The following FBXO22 variants were observed in gnomAD, a reference collection of about 807,000 sequenced individuals.
The protein encoded by FBXO22 is F-box only protein 22.
In FBXO22, 13 loss-of-function variants were observed where a neutral mutation model predicts 37.2. The ratio of observed to expected loss-of-function variants is 0.35; its 90% CI spans 0.23 to 0.56. The LOEUF (loss-of-function observed/expected upper bound fraction) is 0.56. Ranked by LOEUF, FBXO22 falls within the 20% of genes least tolerant of loss-of-function variation. FBXO22 has a pLI of 0.87. For missense variants in FBXO22, 446 were observed against 509.9 expected (o/e 0.87, Z 1.21); for synonymous variants, 189 against 189.1 (o/e 1.00, Z 0.00).
chr15:75,930,298 T>C, intron 6 of FBXO22: 3 of 1,390,450 alleles, frequency 2.2e-6, no homozygotes, highest in Non-Finnish European at 2.8e-6. Flanking sequence ...AAATTTGACA[T>C]TGCCTGTTGA....
chr15:75,938,085 A>G lies in FBXO22; in HGVS notation c.*4983A>G, dbSNP rs1180751215. On this transcript the variant is annotated 3_prime_UTR_variant, in exon 7 of 7. Transcript: ENST00000308275. Reference sequence around the variant, plus strand: ...GGTCCCTAAGCCCAAAAGCAGGCCAAAGTAAGTATTGAAGGATTACCTGGG... The same window carrying G: ...GGTCCCTAAGCCCAAAAGCAGGCCAGAGTAAGTATTGAAGGATTACCTGGG... 3 of 152,220 alleles carry G rather than the reference A, an allele frequency of 2.0e-5. No homozygotes were observed. The highest frequency in any genetic ancestry group is 2.9e-5 in the Non-Finnish European group (2 of 68,042). 9.4% of individuals were successfully genotyped at this position (152,220 alleles called of 1,614,324 possible).
At chr15:75,926,247 T>C (rs957566164) in intron 5 of FBXO22, among the ~76,000 whole-genome samples, 39 of 152,200 alleles carry the variant, frequency 2.6e-4, no homozygotes, top group African/African-American at 8.2e-4. Flanking sequence ...TACCTATGAA[T>C]TGGGGGGAAC....
At chr15:75,906,690 G>C (rs1020748744) in intron 2 of FBXO22, among the ~76,000 whole-genome samples, 1 of 152,098 alleles carries the variant, frequency 6.6e-6, no homozygotes, top group Non-Finnish European at 1.5e-5. Context: ...TCATTCCAGG[G>C]AGCTGGCCAG....
At chr15:75,912,230 C>CT (rs1189765265) in intron 2 of FBXO22, among the ~76,000 whole-genome samples, 4 of 151,868 alleles carry the variant, frequency 2.6e-5, no homozygotes, top group African/African-American at 7.3e-5. Flanking sequence ...CTGAAATTTT[C>CT]TTTTTTTATT....
At chr15:75,917,138 C>G in intron 4 of FBXO22, 92 bp from the exon 5 acceptor site, 1 of 876,876 alleles carries the variant, frequency 1.1e-6, no homozygotes, top group Non-Finnish European at 1.7e-6. Context: ...CAGATAGTGG[C>G]TTGTTAGCTT....
rs147523828 is a variant in FBXO22 at position 75,905,243 on chromosome 15, G to A, written c.279+614G>A. 6.5e-4 allele frequency among the ~76,000 whole-genome samples: 99 copies of A among 152,314 alleles called. 1 individual carries two copies. Among genetic ancestry groups the A allele is most frequent in the African/African-American group, 2.3e-3 (96 of 41,566 alleles). On this transcript the variant is annotated intron_variant, in intron 2 of 6. Coordinates refer to ENST00000308275, the MANE Select transcript of FBXO22 (RefSeq NM_147188.3). ...TCTGTTTTACCGGGAAGACAACTGG[G>A]TGTGTCTTGCTCAGTGAGCACACCT...
Position 75,933,985 on chromosome 15 carries a change from A to G in FBXO22, c.*883A>G, listed in dbSNP as rs2030164706. The G allele has an allele frequency of 6.5e-6, 1 of 154,832 alleles. No homozygotes were observed. The highest frequency in any genetic ancestry group is 1.4e-5 in the Non-Finnish European group (1 of 69,676). The allele number at this position is 154,832 out of a possible 1,614,324, so 9.6% of individuals were successfully genotyped here. ...AGTTTGAATTTCTGTACAAATATCT[A>G]AATAAGAGATGTGCAGAGAGCACCA... On this transcript the variant is annotated 3_prime_UTR_variant, in exon 7 of 7. Transcript: ENST00000308275.
In FBXO22 at chr15:75,933,598, ATAT is replaced by A. The variant is rs1048152189; in HGVS notation, c.*504_*506del. 6.2e-6 allele frequency: 1 copy of A among 161,806 alleles called. No individual in the cohort carries two copies. The highest frequency in any genetic ancestry group is 1.4e-5 in the Non-Finnish European group (1 of 73,880). 10.0% of individuals were successfully genotyped at this position (161,806 alleles called of 1,614,324 possible). A position where few individuals can be genotyped will look rare whatever the true frequency, so the allele number is the denominator to read the frequency against. ...TTTATGAATTTTTTCAGAAGTAACA[ATAT>A]TATTATTGACTTTTTACTTATTTGA... is the stretch of plus-strand genomic sequence containing the variant. On this transcript the variant is annotated 3_prime_UTR_variant, in exon 7 of 7. Coordinates refer to ENST00000308275, the MANE Select transcript of FBXO22 (RefSeq NM_147188.3).
chr15:75,929,650 A>G (rs527824328), intron 5 of FBXO22, among the ~76,000 whole-genome samples: 1 of 152,244 alleles, frequency 6.6e-6, no homozygotes, highest in Non-Finnish European at 1.5e-5. Flanking sequence ...AGTTTTTTTA[A>G]TAGAAAAAAT....
At chr15:75,909,815 A>T (rs143168422) in intron 2 of FBXO22, among the ~76,000 whole-genome samples, 1 of 150,210 alleles carries the variant, frequency 6.7e-6, no homozygotes, top group African/African-American at 2.5e-5. Context: ...TGTGCAGAAC[A>T]TGCAGGTTTG....
intron 5 of FBXO22, among the ~76,000 whole-genome samples, chr15:75,925,518 A>C (rs1187082817): frequency 6.6e-6 from 1 of 152,104 alleles, no homozygotes; most frequent in Non-Finnish European, 1.5e-5. Context: ...ACAAAGTTTT[A>C]AAATTATCTG....
Position 75,932,923 on chromosome 15 carries a change from T to G in FBXO22, c.1033T>G (p.Phe345Val). The G allele has an allele frequency of 6.2e-7, 1 of 1,614,262 alleles. No individual in the cohort carries two copies. ...RAKGNVEADA[F>V]RKFFPSVPLF... ...CAAGGGGAATGTTGAGGCTGATGCA[T>G]TTAGAAAGTTTTTTCCTAGTGTTCC... The change falls in exon 7 of 7, where the codon TTT (phenylalanine) becomes GTT (valine). Residue 345 changes from phenylalanine (F) to valine (V), a missense_variant. Physicochemically the swap from Phe to Val is conservative, Grantham distance 50. Coordinates refer to ENST00000308275, the MANE Select transcript of FBXO22 (RefSeq NM_147188.3).
Position 75,939,736 on chromosome 15 carries a change from A to G in FBXO22, c.*6634A>G, listed in dbSNP as rs931156339. On this transcript the variant is annotated 3_prime_UTR_variant, in exon 7 of 7. Coordinates refer to ENST00000308275, the MANE Select transcript of FBXO22 (RefSeq NM_147188.3). The stretch of plus-strand genomic sequence containing the variant: ...GAATGCAAGGATTGTTCAACATACA[A>G]AAATCAATATAATATACTACATTAA... 1.3e-5 allele frequency: 2 copies of G among 152,202 alleles called. No homozygotes were observed. The highest frequency in any genetic ancestry group is 6.5e-5 in the Admixed American group (1 of 15,280). The allele number at this position is 152,202 out of a possible 1,614,324, so 9.4% of individuals were successfully genotyped here.
chr15:75,941,930 T>G lies in FBXO22; in HGVS notation c.*8828T>G, dbSNP rs2031002985. The G allele has an allele frequency of 1.2e-5, 1 of 84,060 alleles. No individual in the cohort carries two copies. The highest frequency in any genetic ancestry group is 4.8e-4 in the South Asian group (1 of 2,076). 5.2% of individuals were successfully genotyped at this position (84,060 alleles called of 1,614,324 possible). On this transcript the variant is annotated 3_prime_UTR_variant, in exon 7 of 7. Coordinates refer to ENST00000308275, the MANE Select transcript of FBXO22 (RefSeq NM_147188.3). Reference sequence around the variant, plus strand: ...TACGTACATTTTGCCACAGTAAATTTTTAAACCACCAAAAAAAAAAAAAAA... The same window carrying G: ...TACGTACATTTTGCCACAGTAAATTGTTAAACCACCAAAAAAAAAAAAAAA...
At chr15:75,908,877 G>A (rs189376467) in intron 2 of FBXO22, among the ~76,000 whole-genome samples, 25 of 152,272 alleles carry the variant, frequency 1.6e-4, no homozygotes, top group Non-Finnish European at 2.6e-4. Flanking sequence ...AACTATATCC[G>A]TAGGTCTTGG....
intron 5 of FBXO22, among the ~76,000 whole-genome samples, chr15:75,924,344 A>G (rs775257110): frequency 2.0e-5 from 3 of 152,196 alleles, no homozygotes; most frequent in Non-Finnish European, 4.4e-5. Context: ...ACTACTCAGT[A>G]AGGATCTCCT....
intron 2 of FBXO22, among the ~76,000 whole-genome samples, chr15:75,910,064 G>C (rs1415276550): frequency 6.6e-6 from 1 of 152,100 alleles, no homozygotes; most frequent in Non-Finnish European, 1.5e-5. Context: ...ATGGTTTCCA[G>C]CTTCATCCAT....
intron 5 of FBXO22, among the ~76,000 whole-genome samples, chr15:75,924,982 G>C (rs1900408236): frequency 6.6e-6 from 1 of 152,188 alleles, no homozygotes; most frequent in Admixed American, 6.5e-5. Flanking sequence ...TATTTGCGGA[G>C]AGTCCCATTA....
In FBXO22 at chr15:75,903,946, C is replaced by G. The variant is rs776809573; in HGVS notation, c.-18C>G. 1.7e-5 allele frequency: 26 copies of G among 1,531,356 alleles called. No homozygotes were observed. The African/African-American group carries it at 3.0e-4, about 18-fold the overall frequency. The allele number at this position is 1,531,356 out of a possible 1,614,324, so 94.9% of individuals were successfully genotyped here. ...CCTCCGAGCCGCCGTAGGACTGGTT[C>G]CGGCGGGCTGGTGAGGAATGGAGCC... On this transcript the variant is annotated 5_prime_UTR_variant, in exon 1 of 7. Coordinates refer to ENST00000308275, the MANE Select transcript of FBXO22 (RefSeq NM_147188.3).
Sources: allele counts gnomAD v4.1 joint callset (sites outside exome capture counted in the v4.1 genomes callset), GRCh38; gene constraint gnomAD v4.1.1; transcripts MANE v1.5; gene names NCBI Gene and HGNC (gene_info 2026-07-23, HGNC 2026-07-21).